Variants in ENTREP2 observed in about 807,000 individuals in gnomAD.
ENTREP2 encodes endosomal transmembrane epsin interactor 2.
the ENTREP2 span, among the ~76,000 whole-genome samples, chr15:29,645,712 C>G: frequency 2.0e-5 from 3 of 152,066 alleles, no homozygotes; most frequent in Non-Finnish European, 4.4e-5. Flanking sequence ...GTGCCCGCCA[C>G]CATACCCAGC....
At chr15:29,348,536 G>A in the ENTREP2 span, among the ~76,000 whole-genome samples, 1 of 152,210 alleles carries the variant, frequency 6.6e-6, no homozygotes, top group South Asian at 2.1e-4. Context: ...GCAGATGGAG[G>A]AGTTGGCTTT....
the ENTREP2 span, among the ~76,000 whole-genome samples, chr15:29,172,187 C>T: frequency 8.5e-3 from 1,301 of 152,300 alleles, 20 homozygotes; most frequent in African/African-American, 0.03. Flanking sequence ...AAAATCCACA[C>T]AGTCTTAAGG....
At chr15:29,395,726 GT>G in the ENTREP2 span, among the ~76,000 whole-genome samples, 1 of 151,750 alleles carries the variant, frequency 6.6e-6, no homozygotes, top group African/African-American at 2.4e-5. Context: ...AGAGATGGGG[GT>G]TTCGCCACGT....
chr15:29,351,426 A>G, the ENTREP2 span, among the ~76,000 whole-genome samples: 4 of 152,236 alleles, frequency 2.6e-5, no homozygotes, highest in Admixed American at 2.0e-4. Context: ...GTAATCAATA[A>G]TAACAGGTGT....
chr15:29,662,683 G>T, the ENTREP2 span, among the ~76,000 whole-genome samples: 52 of 152,048 alleles, frequency 3.4e-4, 1 homozygote, highest in Admixed American at 5.9e-4. Context: ...TCCATGCCAC[G>T]CACACGAGCC....
chr15:29,541,886 G>A, the ENTREP2 span, among the ~76,000 whole-genome samples: 2 of 152,328 alleles, frequency 1.3e-5, no homozygotes, highest in African/African-American at 4.8e-5. Context: ...ACAGAAAAGC[G>A]TAACAGGTCT....
chr15:29,147,332 C>T, the ENTREP2 span, among the ~76,000 whole-genome samples: 5 of 152,310 alleles, frequency 3.3e-5, no homozygotes, highest in African/African-American at 1.2e-4. Context: ...CAAATCCAAA[C>T]CACAATGAAA....
chr15:29,433,094 G>A, the ENTREP2 span, among the ~76,000 whole-genome samples: 3 of 152,254 alleles, frequency 2.0e-5, no homozygotes, highest in South Asian at 2.1e-4. Flanking sequence ...CCTCTCATGA[G>A]CCAAGGAACC....
chr15:29,130,710 C>G, the ENTREP2 span, among the ~76,000 whole-genome samples: 1 of 152,176 alleles, frequency 6.6e-6, no homozygotes, highest in Non-Finnish European at 1.5e-5. Flanking sequence ...GCCTATCTAT[C>G]ACCTCTCGCA....
At chr15:29,593,940 T>C in the ENTREP2 span, among the ~76,000 whole-genome samples, 17 of 152,146 alleles carry the variant, frequency 1.1e-4, no homozygotes, top group African/African-American at 3.9e-4. Context: ...GAAATCTCAA[T>C]AAGCTCTATG....
chr15:29,407,078 G>A, the ENTREP2 span, among the ~76,000 whole-genome samples: 5 of 152,088 alleles, frequency 3.3e-5, no homozygotes, highest in South Asian at 2.1e-4. Context: ...TGAGAAGTGC[G>A]CCCTTAGGTG....
chr15:29,474,310 A>C, the ENTREP2 span, among the ~76,000 whole-genome samples: 1 of 152,170 alleles, frequency 6.6e-6, no homozygotes, highest in Non-Finnish European at 1.5e-5. Context: ...CCCAAGTCTC[A>C]GAAAGGCTGC....
chr15:29,427,384 T>C, the ENTREP2 span, among the ~76,000 whole-genome samples: 4 of 152,174 alleles, frequency 2.6e-5, no homozygotes, highest in Non-Finnish European at 5.9e-5. Flanking sequence ...TAGTTTCCTA[T>C]TGCTGCTGCA....
At chr15:29,234,565 T>A in the ENTREP2 span, 1 of 1,439,656 alleles carries the variant, frequency 6.9e-7, no homozygotes, top group Non-Finnish European at 9.8e-7. Flanking sequence ...TGGCAGCACG[T>A]CGACAGCTAA....
chr15:29,178,737 CCT>C, the ENTREP2 span, among the ~76,000 whole-genome samples: 141 of 152,196 alleles, frequency 9.3e-4, no homozygotes, highest in South Asian at 4.2e-3. Flanking sequence ...AGGATTCTCC[CCT>C]GTTAGTTGCA....
the ENTREP2 span, chr15:29,234,412 G>T: frequency 6.5e-7 from 1 of 1,528,892 alleles, no homozygotes; most frequent in African/African-American, 1.4e-5. Flanking sequence ...CAATAAAATG[G>T]GCAACCATTC....
chr15:29,386,379 T>TG, the ENTREP2 span, among the ~76,000 whole-genome samples: 5 of 152,230 alleles, frequency 3.3e-5, no homozygotes, highest in East Asian at 9.7e-4. Flanking sequence ...TGTTCCCCCT[T>TG]GGAGTTTGAA....
At chr15:29,525,424 G>A in the ENTREP2 span, among the ~76,000 whole-genome samples, 4 of 152,228 alleles carry the variant, frequency 2.6e-5, no homozygotes, top group Non-Finnish European at 5.9e-5. Context: ...AGTATTATTA[G>A]ATGCTCACAA....
chr15:29,568,434 G>C, the ENTREP2 span, among the ~76,000 whole-genome samples: 33 of 152,290 alleles, frequency 2.2e-4, no homozygotes, highest in Non-Finnish European at 4.0e-4. Context: ...GCTCAAGCTT[G>C]TAATCTCAGT....
Sources: gnomAD v4.1 joint callset for allele counts (sites outside exome capture counted in the v4.1 genomes callset) on GRCh38, gnomAD v4.1.1 for gene constraint, MANE v1.5 for transcripts, NCBI Gene and HGNC (gene_info 2026-07-23, HGNC 2026-07-21) for gene names.